The following NRXN3 variants were observed in gnomAD, a reference collection of about 807,000 sequenced individuals.
NRXN3 encodes neurexin 3, also known as neurexin III.
A neutral mutation model predicts 137.6 loss-of-function variants in NRXN3; 32 were observed. That is an observed-to-expected ratio of 0.23 (90% CI 0.18 to 0.31). The LOEUF (loss-of-function observed/expected upper bound fraction) is 0.31. Ranked by LOEUF, NRXN3 falls within the 10% of genes least tolerant of loss-of-function variation. The probability of loss-of-function intolerance (pLI) is 1.00; values close to 1 mark genes in which losing one functional copy is unlikely to be tolerated. For missense variants in NRXN3, 1,574 were observed against 2,062.5 expected (o/e 0.76, Z 4.59); for synonymous variants, 798 against 784.5 (o/e 1.02, Z -0.29).
chr14:79,031,325 T>C (rs1205986675), intron 15 of NRXN3, among the ~76,000 whole-genome samples: 2 of 152,178 alleles, frequency 1.3e-5, no homozygotes, highest in Admixed American at 6.5e-5. Flanking sequence ...AAATGATTCA[T>C]TATAAAGCAA....
chr14:79,624,750 TAG>T (rs2098263197), intron 16 of NRXN3, among the ~76,000 whole-genome samples: 1 of 151,932 alleles, frequency 6.6e-6, no homozygotes, highest in South Asian at 2.1e-4. Flanking sequence ...AGTGTCGACT[TAG>T]GAGTGAGATC....
chr14:78,528,981 C>T (rs2096420972), intron 4 of NRXN3, among the ~76,000 whole-genome samples: 1 of 152,146 alleles, frequency 6.6e-6, no homozygotes, highest in Admixed American at 6.5e-5. Flanking sequence ...GTCATAGCCC[C>T]TTATTTTTCA....
At chr14:78,475,114 G>A (rs933535665) in intron 4 of NRXN3, among the ~76,000 whole-genome samples, 1 of 152,190 alleles carries the variant, frequency 6.6e-6, no homozygotes, top group African/African-American at 2.4e-5. Context: ...TAGAGTGGGT[G>A]ACATATAAGG....
At chr14:78,630,928 T>G (rs193054450) in intron 4 of NRXN3, among the ~76,000 whole-genome samples, 73 of 152,346 alleles carry the variant, frequency 4.8e-4, no homozygotes, top group African/African-American at 1.6e-3. Context: ...TATTATAGAT[T>G]GATGAAAACT....
intron 10 of NRXN3, among the ~76,000 whole-genome samples, chr14:78,952,232 T>G (rs570820303): frequency 7.0e-6 from 1 of 142,408 alleles, no homozygotes; most frequent in South Asian, 2.4e-4. Flanking sequence ...TGATTTAAAA[T>G]GTTTTTTTTT....
At chr14:79,209,922 A>G (rs1464598555) in intron 15 of NRXN3, among the ~76,000 whole-genome samples, 1 of 152,196 alleles carries the variant, frequency 6.6e-6, no homozygotes, top group African/African-American at 2.4e-5. Context: ...TTGTAACTCT[A>G]AGGTACTCAA....
rs540162080 is a variant in NRXN3 at position 78,250,008 on chromosome 14, T to C, written c.709+6206T>C. The C allele has an allele frequency of 1.1e-5, 5 of 461,230 alleles. No individual in the cohort carries two copies. In the East Asian group the frequency reaches 3.1e-4, roughly 28 times the overall value. 28.6% of individuals were successfully genotyped at this position (461,230 alleles called of 1,614,324 possible). A position where few individuals can be genotyped will look rare whatever the true frequency, so the allele number is the denominator to read the frequency against. ...TAATCACAGAGCACTGGCTCCAGGCTCACACTGTCTTAGGTGCTTTTCATG... is the reference window on the plus strand; with the variant it reads ...TAATCACAGAGCACTGGCTCCAGGCCCACACTGTCTTAGGTGCTTTTCATG... On this transcript the variant is annotated intron_variant, in intron 2 of 20. Coordinates refer to ENST00000335750, the MANE Select transcript of NRXN3 (RefSeq NM_001330195.2).
At chr14:78,875,480 A>T (rs1000127096) in intron 10 of NRXN3, among the ~76,000 whole-genome samples, 1 of 152,182 alleles carries the variant, frequency 6.6e-6, no homozygotes, top group Non-Finnish European at 1.5e-5. Context: ...ATAAAAATAC[A>T]CTTTGGAAGT....
intron 6 of NRXN3, among the ~76,000 whole-genome samples, chr14:78,695,063 G>C (rs527702611): frequency 2.0e-5 from 3 of 152,128 alleles, no homozygotes; most frequent in African/African-American, 7.2e-5. Context: ...ATGTCAAGGA[G>C]AGAATCTGTT....
chr14:78,317,943 G>C (rs2078904597), intron 4 of NRXN3, among the ~76,000 whole-genome samples: 1 of 152,108 alleles, frequency 6.6e-6, no homozygotes, highest in South Asian at 2.1e-4. Context: ...TGGATTTAGG[G>C]GGAGGCTGGA....
In NRXN3 at chr14:79,517,103, C is replaced by T. The variant is rs534229080; in HGVS notation, c.3444+49701C>T. 6.5e-4 allele frequency among the ~76,000 whole-genome samples: 98 copies of T among 150,214 alleles called. 3 individuals carry two copies. The highest frequency in any genetic ancestry group is 2.3e-3 in the African/African-American group (92 of 40,464). ...TACACAAATGTACAGCCCCCCCCCCCTCAACGAATGGGAGCGCTTCCCCAC... is the reference window on the plus strand; with the variant it reads ...TACACAAATGTACAGCCCCCCCCCCTTCAACGAATGGGAGCGCTTCCCCAC... On this transcript the variant is annotated intron_variant, in intron 16 of 20. Transcript: ENST00000335750.
At chr14:78,908,620 A>C (rs1333397081) in intron 10 of NRXN3, among the ~76,000 whole-genome samples, 1 of 152,146 alleles carries the variant, frequency 6.6e-6, no homozygotes, top group Non-Finnish European at 1.5e-5. Context: ...ATCACTTAAA[A>C]AAATTTCACC....
Position 79,555,766 on chromosome 14 carries a change from C to T in NRXN3, c.3444+88364C>T, listed in dbSNP as rs142452908. On this transcript the variant is annotated intron_variant, in intron 16 of 20. Coordinates refer to ENST00000335750, the MANE Select transcript of NRXN3 (RefSeq NM_001330195.2). ...ATGTTTGTCTTCATTTCAGCTAGTG[C>T]TATTTCATTGTTGCTGGAGATAACA... 5.0e-4 allele frequency among the ~76,000 whole-genome samples: 76 copies of T among 152,282 alleles called. No individual in the cohort carries two copies. In the East Asian group the frequency reaches 0.014, roughly 27 times the overall value.
At position 79,757,833 on chromosome 14, in the gene NRXN3, C is replaced by T. The variant is rs527294828; in HGVS notation, c.4015-47279C>T. Among the ~76,000 whole-genome samples, 16 of 152,188 alleles carry T rather than the reference C, an allele frequency of 1.1e-4. No homozygotes were observed. The East Asian group carries it at 2.1e-3, about 20-fold the overall frequency. ...TTAGATACTATTAAGTTTAGGATCCCGTGGAGAGGCCTATCATCCGAGAGA... is the reference window on the plus strand; with the variant it reads ...TTAGATACTATTAAGTTTAGGATCCTGTGGAGAGGCCTATCATCCGAGAGA... On this transcript the variant is annotated intron_variant, in intron 19 of 20. Coordinates refer to ENST00000335750, the MANE Select transcript of NRXN3 (RefSeq NM_001330195.2).
intron 19 of NRXN3, among the ~76,000 whole-genome samples, chr14:79,758,686 T>C (rs2099028256): frequency 6.6e-6 from 1 of 152,188 alleles, no homozygotes; most frequent in Middle Eastern, 3.4e-3. Flanking sequence ...CCCAGTTAGG[T>C]CCAGGACGTG....
At chr14:78,541,133 G>T (rs2096585392) in intron 4 of NRXN3, among the ~76,000 whole-genome samples, 3 of 152,042 alleles carry the variant, frequency 2.0e-5, no homozygotes. Flanking sequence ...TTGTGATGTT[G>T]TCTATATTTC....
chr14:78,373,717 G>C (rs1376834988), intron 4 of NRXN3, among the ~76,000 whole-genome samples: 3 of 152,186 alleles, frequency 2.0e-5, no homozygotes, highest in Non-Finnish European at 4.4e-5. Flanking sequence ...AAGGCAGAAA[G>C]GGAATGGCTG....
intron 8 of NRXN3, among the ~76,000 whole-genome samples, chr14:78,720,398 C>T (rs2098454263): frequency 1.3e-5 from 2 of 152,174 alleles, no homozygotes; most frequent in Admixed American, 1.3e-4. Context: ...GAGCACCTGC[C>T]ACCCTGTGAA....
At chr14:79,422,931 C>T (rs1017651593) in intron 15 of NRXN3, among the ~76,000 whole-genome samples, 13 of 152,074 alleles carry the variant, frequency 8.5e-5, no homozygotes, top group African/African-American at 3.1e-4. Flanking sequence ...AACTCCTGAT[C>T]TTGTGATCCA....
Sources: gnomAD v4.1 joint callset for allele counts (sites outside exome capture counted in the v4.1 genomes callset) on GRCh38, gnomAD v4.1.1 for gene constraint, MANE v1.5 for transcripts, NCBI Gene and HGNC (gene_info 2026-07-23, HGNC 2026-07-21) for gene names.